The following PPEF1 variants were observed in gnomAD, a reference collection of about 807,000 sequenced individuals.
PPEF1 encodes serine/threonine-protein phosphatase with EF-hands 1.
PPEF1 carries 12 observed loss-of-function variants against 53.3 expected under a neutral mutation model. The observed-to-expected ratio is 0.23, with a 90% confidence interval of 0.14 to 0.36. The LOEUF (loss-of-function observed/expected upper bound fraction) is 0.36, where lower values mean the gene tolerates loss of function less well. Among genes scored for constraint, PPEF1 ranks in the 10% least tolerant of loss-of-function variants. PPEF1 has a pLI of 1.00. For synonymous variants in PPEF1, 165 were observed against 176.7 expected (o/e 0.93, Z 0.52); for missense variants, 334 against 490.4 (o/e 0.68, Z 3.01).
At chrX:18,817,846 G>A (rs2046952081) in intron 12 of PPEF1, among the ~76,000 whole-genome samples, 193 bp from the exon 13 acceptor site, 1 of 110,312 alleles carries the variant, frequency 9.1e-6, no homozygotes, top group African/African-American at 3.3e-5. Context: ...AAAACTTCAT[G>A]AAATGCATGT....
intron 14 of PPEF1, among the ~76,000 whole-genome samples, chrX:18,824,311 C>T (rs2047121968): frequency 9.0e-6 from 1 of 110,580 alleles, no homozygotes; most frequent in African/African-American, 3.3e-5. Context: ...GTGGTCGTGC[C>T]CACCTGTAAT....
At position 18,710,547 on chromosome X, in the gene PPEF1, T is replaced by C. The variant is rs141257692; in HGVS notation, c.46+2721T>C. ...ACAGACATTTTTTCAAAAGAAGGCA[T>C]ACAAATGGCTAACAAACACACGAAA... On this transcript the variant is annotated intron_variant, in intron 1 of 15. Coordinates refer to ENST00000470157, the MANE Select transcript of PPEF1 (RefSeq NM_001377996.1). Among the ~76,000 whole-genome samples the C allele has an allele frequency of 8.0e-5, 9 of 111,888 alleles. No individual in the cohort carries two copies. In the East Asian group the frequency reaches 2.2e-3, roughly 28 times the overall value.
intron 6 of PPEF1, among the ~76,000 whole-genome samples, chrX:18,777,072 G>A (rs1014933323): frequency 4.4e-5 from 5 of 112,471 alleles, no homozygotes; most frequent in Non-Finnish European, 9.4e-5. Flanking sequence ...TGTGTGGTAA[G>A]TATGGAAGAT....
chrX:18,675,412 C>T (rs1185625069), upstream of PPEF1, among the ~76,000 whole-genome samples: 4 of 113,556 alleles, frequency 3.5e-5, no homozygotes, highest in Non-Finnish European at 7.5e-5. Flanking sequence ...TCGCCGCTTG[C>T]GGCGGCGTGG....
chrX:18,692,251 C>T (rs1457612947), intron 4 of PPEF1, among the ~76,000 whole-genome samples: 1 of 111,901 alleles, frequency 8.9e-6, no homozygotes, highest in African/African-American at 3.3e-5. Context: ...CGATTTTTCT[C>T]CACCATAAAC....
At chrX:18,782,611 C>G (rs754791443) in intron 8 of PPEF1, among the ~76,000 whole-genome samples, 22 of 111,476 alleles carry the variant, frequency 2.0e-4, no homozygotes, top group Non-Finnish European at 4.0e-4. Context: ...CACACTTTTT[C>G]ATTGTGAGTT....
chrX:18,800,548 C>T (rs1448360619), intron 10 of PPEF1, among the ~76,000 whole-genome samples: 1 of 111,622 alleles, frequency 9.0e-6, no homozygotes, highest in Non-Finnish European at 1.9e-5. Flanking sequence ...ATAGCACTTA[C>T]ATTGTATTAG....
At chrX:18,714,269 G>GTTTTTTTTTTTTTTTTTTTTTTTTTT (rs752286222) in intron 1 of PPEF1, among the ~76,000 whole-genome samples, 1 of 61,948 alleles carries the variant, frequency 1.6e-5, no homozygotes, top group Non-Finnish European at 3.5e-5. Flanking sequence ...TTTGTTTTTC[G>GTTTTTTTTTTTTTTTTTTTTTTTTTT]TTTTTTTGTT....
chrX:18,804,828 C>G (rs780440705), intron 11 of PPEF1, among the ~76,000 whole-genome samples: 1 of 111,638 alleles, frequency 9.0e-6, no homozygotes, highest in Non-Finnish European at 1.9e-5. Context: ...AGTAGGTGAC[C>G]TCCAGCAAGT....
At chrX:18,754,881 A>G (rs1172193013) in intron 4 of PPEF1, among the ~76,000 whole-genome samples, 1 of 111,979 alleles carries the variant, frequency 8.9e-6, no homozygotes, top group African/African-American at 3.2e-5. Context: ...GATTATAGGC[A>G]TGAGCCACTG....
At chrX:18,710,953 G>GGTAAAGAAAATGTGTGGT (rs1352545461) in intron 1 of PPEF1, among the ~76,000 whole-genome samples, 1 of 109,685 alleles carries the variant, frequency 9.1e-6, no homozygotes, top group East Asian at 2.8e-4. Context: ...TGGATGATTG[G>GGTAAAGAAAATGTGTGGT]GTAAAGAAAA....
intron 1 of PPEF1, among the ~76,000 whole-genome samples, chrX:18,726,392 A>AAATAAATG (rs1469194390): frequency 9.1e-6 from 1 of 109,293 alleles, no homozygotes; most frequent in African/African-American, 3.3e-5. Context: ...ATAAATAAAT[A>AAATAAATG]AATGGCGGCC....
At chrX:18,804,358 G>C (rs12013440) in intron 11 of PPEF1, among the ~76,000 whole-genome samples, 2,716 of 108,421 alleles carry the variant, frequency 0.025, 92 homozygotes, top group African/African-American at 0.087. Flanking sequence ...CCAGGTTGGA[G>C]TGCAGTGGTG....
exon 1 of PPEF1, chrX:18,675,966 G>GGGC (rs1928659921): frequency 1.1e-5 from 1 of 88,662 alleles, no homozygotes. Context: ...CGGGGGGGGG[G>GGGC]GGGCATCTTT....
intron 3 of PPEF1, among the ~76,000 whole-genome samples, chrX:18,744,500 CA>C (rs1248945844): frequency 8.9e-6 from 1 of 111,946 alleles, no homozygotes; most frequent in East Asian, 2.8e-4. Context: ...CCTCCTCCCA[CA>C]GGCAGAAAGC....
intron 1 of PPEF1, among the ~76,000 whole-genome samples, chrX:18,712,323 A>C (rs1381565499): frequency 4.5e-5 from 5 of 111,394 alleles, no homozygotes; most frequent in African/African-American, 1.6e-4. Context: ...TTAGATCTTT[A>C]ATTTCTTTCA....
chrX:18,687,273 G>A (rs1015365330), intron 3 of PPEF1, among the ~76,000 whole-genome samples: 1 of 111,047 alleles, frequency 9.0e-6, no homozygotes, highest in African/African-American at 3.3e-5. Flanking sequence ...AGAACAAAAC[G>A]GGGGTTTTAT....
intron 9 of PPEF1, among the ~76,000 whole-genome samples, chrX:18,788,137 A>C (rs2046250559): frequency 9.1e-6 from 1 of 110,109 alleles, no homozygotes; most frequent in Non-Finnish European, 1.9e-5. Context: ...TAACACGGTG[A>C]CACCCCGTCT....
chrX:18,762,268 C>T (rs2045682485), intron 6 of PPEF1, among the ~76,000 whole-genome samples: 1 of 111,655 alleles, frequency 9.0e-6, no homozygotes, highest in African/African-American at 3.3e-5. Flanking sequence ...GCCTTCACAG[C>T]GGTTACCCCT....
Sources: gnomAD v4.1 joint callset for allele counts (sites outside exome capture counted in the v4.1 genomes callset) on GRCh38, gnomAD v4.1.1 for gene constraint, MANE v1.5 for transcripts, NCBI Gene and HGNC (gene_info 2026-07-23, HGNC 2026-07-21) for gene names.